ARHGEF1: variants seen among roughly 807,000 people sequenced by gnomAD.
ARHGEF1 encodes the protein 115 kDa guanine nucleotide exchange factor.
In ARHGEF1, 40 loss-of-function variants were observed where a neutral mutation model predicts 119.7. The observed-to-expected ratio is 0.33, with a 90% CI of 0.26 to 0.44. ARHGEF1 has a LOEUF of 0.44. Among genes scored for constraint, ARHGEF1 ranks in the 20% least tolerant of loss-of-function variants. The pLI is 1.00. For missense variants in ARHGEF1, 976 were observed against 1,268.3 expected (o/e 0.77, Z 3.50); for synonymous variants, 494 against 521.0 (o/e 0.95, Z 0.71).
At chr19:41,891,971 T>C in intron 4 of ARHGEF1, 54 bp from the exon 5 acceptor site, 1 of 1,455,112 alleles carries the variant, frequency 6.9e-7, no homozygotes, top group Non-Finnish European at 9.4e-7. Context: ...AAAGGGAGAG[T>C]GTGGTTTGAG....
At chr19:41,900,785 GGTT>G (rs1336047710) in intron 14 of ARHGEF1, 3 of 142,880 alleles carry the variant, frequency 2.1e-5, no homozygotes, top group East Asian at 4.0e-4. Context: ...AATCCTCACT[GGTT>G]TTTTTTTTTT....
chr19:41,891,727 A>G (rs1451989136), intron 4 of ARHGEF1, among the ~76,000 whole-genome samples: 3 of 152,196 alleles, frequency 2.0e-5, no homozygotes, highest in Admixed American at 6.5e-5. Flanking sequence ...AGCCGTCAGT[A>G]TAGACAGTAG....
In ARHGEF1 at chr19:41,904,420, G is replaced by GTC; in HGVS notation, c.2161+39_2161+40dup. On this transcript the variant is annotated intron_variant, in intron 22 of 28. Transcript: ENST00000354532. The surrounding 1 kb of genome is among the most constrained non-coding windows in gnomAD (Gnocchi z 8.4). ...CACTGCATGGCCCAGGGCAGAGGGT[G>GTC]TCTTTTTTGGGCAGAGCTGCCTGTG... 1 of 1,511,168 alleles carries GTC rather than the reference G, an allele frequency of 6.6e-7. No individual in the cohort carries two copies. Among genetic ancestry groups the GTC allele is most frequent in the Non-Finnish European group, 8.8e-7 (1 of 1,129,952 alleles). 93.6% of individuals were successfully genotyped at this position (1,511,168 alleles called of 1,614,324 possible).
At chr19:41,898,616 G>A in intron 14 of ARHGEF1, 29 bp downstream of exon 14, 2 of 1,574,878 alleles carry the variant, frequency 1.3e-6, no homozygotes, top group Non-Finnish European at 1.7e-6. Context: ...ACCCCACTGT[G>A]GCCAAGGACA....
rs2074323365 is a variant in ARHGEF1, at chr19:41,888,164, G to A, written c.25-28G>A. 6.2e-7 allele frequency: 1 copy of A among 1,613,940 alleles called. No homozygotes were observed. The highest frequency in any genetic ancestry group is 8.5e-7 in the Non-Finnish European group (1 of 1,179,956). On this transcript the variant is annotated intron_variant, in intron 2 of 28. Coordinates refer to ENST00000354532, the MANE Select transcript of ARHGEF1 (RefSeq NM_004706.4). This position sits in a 1 kb window ranked among gnomAD's most constrained non-coding sequence, Gnocchi z 5.1. ...TGGGGCTGTGGGTGGAGAGTCCTGTGGACTGAAGCTGCCCTCCCTTTCCAC... is the reference window on the plus strand; with the variant it reads ...TGGGGCTGTGGGTGGAGAGTCCTGTAGACTGAAGCTGCCCTCCCTTTCCAC...
At chr19:41,926,442 A>G (rs1285449775) in intron 1 of ARHGEF1, among the ~76,000 whole-genome samples, 4 of 152,016 alleles carry the variant, frequency 2.6e-5, no homozygotes, top group Non-Finnish European at 5.9e-5. Context: ...GCATTGATAG[A>G]CAGGTGTGAA....
downstream of ARHGEF1, chr19:41,908,316 A>G: frequency 8.1e-7 from 1 of 1,231,380 alleles, no homozygotes; most frequent in Non-Finnish European, 1.0e-6. This position sits in a 1 kb window ranked among gnomAD's most constrained non-coding sequence, Gnocchi z 6.7. Flanking sequence ...GCAGCCGCTG[A>G]CGTCGGTGAT....
chr19:41,894,412 G>A (rs782043796), intron 9 of ARHGEF1, 39 bp from the exon 10 acceptor site: 15 of 1,530,352 alleles, frequency 9.8e-6, no homozygotes, highest in Non-Finnish European at 1.2e-5. Flanking sequence ...TGTTGTCTCA[G>A]AGATGCTTAG....
rs1599661763 is a variant in ARHGEF1, at chr19:41,903,971, C to T, written c.1918-64C>T. 2 of 1,520,674 alleles carry T rather than the reference C, an allele frequency of 1.3e-6. No individual in the cohort carries two copies. Among genetic ancestry groups the T allele is most frequent in the Non-Finnish European group, 1.8e-6 (2 of 1,097,948 alleles). The allele number at this position is 1,520,674 out of a possible 1,614,324, so 94.2% of individuals were successfully genotyped here. On this transcript the variant is annotated intron_variant, in intron 20 of 28. Transcript: ENST00000354532. This position sits in a 1 kb window ranked among gnomAD's most constrained non-coding sequence, Gnocchi z 4.2. ...TCCCCGGCCACTGCCCTGCCCTTCC[C>T]CTCCCCACCAACCCCAATCACCCCC...
chr19:41,919,966 A>G (rs2074828544), upstream of ARHGEF1, among the ~76,000 whole-genome samples: 1 of 143,298 alleles, frequency 7.0e-6, no homozygotes, highest in South Asian at 2.6e-4. Flanking sequence ...GAACTCACAG[A>G]CATGACACGC....
chr19:41,901,838 C>A (rs1555849058), intron 14 of ARHGEF1, 49 bp from the exon 15 acceptor site: 4 of 1,590,390 alleles, frequency 2.5e-6, no homozygotes. Context: ...GGTCATGCCC[C>A]CTAGTCTGCA....
rs782305480 is a variant in ARHGEF1 at position 41,896,330 on chromosome 19, G to A, written c.1016-47G>A. The A allele has an allele frequency of 4.5e-5, 50 of 1,113,612 alleles. 1 individual carries two copies. In the African/African-American group the frequency reaches 7.8e-4, roughly 17 times the overall value. The allele number at this position is 1,113,612 out of a possible 1,614,324, so 69.0% of individuals were successfully genotyped here. ...TCCAGGCCCCCAGAGTGTGGGTCTC[G>A]TGGCCGCAGAGGCCTTCCAGCCAGC... On this transcript the variant is annotated intron_variant, in intron 12 of 28. Coordinates refer to ENST00000354532, the MANE Select transcript of ARHGEF1 (RefSeq NM_004706.4).
At position 41,888,124 on chromosome 19, in the gene ARHGEF1, G is replaced by C. The variant is rs781809211; in HGVS notation, c.24+18G>C. 6.2e-7 allele frequency: 1 copy of C among 1,613,976 alleles called. No individual in the cohort carries two copies. The highest frequency in any genetic ancestry group is 1.3e-5 in the African/African-American group (1 of 74,938). ...GAGGGGCGGTGAGTGGACAGAGCAA[G>C]GGGTGAGGCGACTCTGGGGCTGTGG... On this transcript the variant is annotated intron_variant, in intron 2 of 28. Coordinates refer to ENST00000354532, the MANE Select transcript of ARHGEF1 (RefSeq NM_004706.4). This position sits in a 1 kb window ranked among gnomAD's most constrained non-coding sequence, Gnocchi z 5.1.
rs782705151 is a variant in ARHGEF1, at chr19:41,895,392, G to C, written c.921G>C (p.Met307Ile). The change falls in exon 12 of 29, where the codon ATG (methionine) becomes ATC (isoleucine). Residue 307 changes from methionine (M) to isoleucine (I), a missense_variant. Met to Ile is a conservative substitution (Grantham distance 10, BLOSUM62 1). Transcript: ENST00000354532. Reference protein sequence around the residue: ...GATDRKGGVGMPSRDRNIGAP... With the variant: ...GATDRKGGVGIPSRDRNIGAP... ...CAGACCGGAAGGGAGGCGTGGGGAT[G>C]CCCTCTCGGGACCGGAATATCGGGG... 3 of 1,612,612 alleles carry C rather than the reference G, an allele frequency of 1.9e-6. No homozygotes were observed. The highest frequency in any genetic ancestry group is 3.3e-5 in the Admixed American group (2 of 59,986).
Position 41,906,531 on chromosome 19 carries a change from G to A in ARHGEF1, c.2566G>A (p.Val856Ile). Residue 856 changes from valine to isoleucine, a missense_variant, in exon 27 of 29, where the codon GTC becomes ATC. Physicochemically the swap from Val to Ile is conservative, Grantham distance 29 (BLOSUM62 3). Transcript: ENST00000354532. The surrounding 1 kb of genome is among the most constrained non-coding windows in gnomAD (Gnocchi z 4.5). ...GAGPPRDGDGVPGGGPLSPAR... is the reference protein window; with the variant it reads ...GAGPPRDGDGIPGGGPLSPAR... ...GGGGCCTCCTCGAGATGGGGATGGG[G>A]TCCCAGGGGGCGGCCCCCTGAGCCC... The A allele has an allele frequency of 3.2e-6, 5 of 1,582,444 alleles. No individual in the cohort carries two copies. The highest frequency in any genetic ancestry group is 4.3e-6 in the Non-Finnish European group (5 of 1,172,036).
downstream of ARHGEF1, chr19:41,907,500 C>A: frequency 1.7e-6 from 2 of 1,205,052 alleles, no homozygotes; most frequent in Non-Finnish European, 2.3e-6. Flanking sequence ...GCGTCTGGAA[C>A]TCTCTGTGAC....
In ARHGEF1 at chr19:41,903,970, C is replaced by A. The variant is rs1375983145; in HGVS notation, c.1918-65C>A. On this transcript the variant is annotated intron_variant, in intron 20 of 28. Transcript: ENST00000354532. This position sits in a 1 kb window ranked among gnomAD's most constrained non-coding sequence, Gnocchi z 4.2. ...ATCCCCGGCCACTGCCCTGCCCTTCCCCTCCCCACCAACCCCAATCACCCC... is the reference window on the plus strand; with the variant it reads ...ATCCCCGGCCACTGCCCTGCCCTTCACCTCCCCACCAACCCCAATCACCCC... 4 of 1,511,842 alleles carry A rather than the reference C, an allele frequency of 2.6e-6. No individual in the cohort carries two copies. Among genetic ancestry groups the A allele is most frequent in the Non-Finnish European group, 3.7e-6 (4 of 1,090,204 alleles). The allele number at this position is 1,511,842 out of a possible 1,614,324, so 93.7% of individuals were successfully genotyped here.
intron 1 of ARHGEF1, among the ~76,000 whole-genome samples, chr19:41,887,446 T>A (rs1555845390): frequency 6.6e-6 from 1 of 151,580 alleles, no homozygotes; most frequent in East Asian, 2.0e-4. Context: ...AGAGATGAGG[T>A]CCCTGGGGGA....
chr19:41,895,790 C>G (rs1314547003), intron 12 of ARHGEF1, among the ~76,000 whole-genome samples: 1 of 152,164 alleles, frequency 6.6e-6, no homozygotes, highest in African/African-American at 2.4e-5. Context: ...AGTACATGAC[C>G]AGTCCACCCT....
Sources: gnomAD v4.1 joint callset for allele counts (sites outside exome capture counted in the v4.1 genomes callset) on GRCh38, gnomAD v4.1.1 for gene constraint, Gnocchi (gnomAD v3.1) non-coding constraint, MANE v1.5 for transcripts, NCBI Gene and HGNC (gene_info 2026-07-23, HGNC 2026-07-21) for gene names.